ARPC1A: variants seen among roughly 807,000 people sequenced by gnomAD.
The protein encoded by ARPC1A is actin related protein 2/3 complex subunit 1A.
A neutral mutation model predicts 46.9 loss-of-function variants in ARPC1A; 8 were observed. That is an observed-to-expected ratio of 0.17 (90% CI 0.10 to 0.31). ARPC1A has a LOEUF of 0.31. ARPC1A is among the 10% of genes least tolerant of loss of function. The pLI is 1.00. For missense variants in ARPC1A, 286 were observed against 483.6 expected, an observed-to-expected ratio of 0.59 and a Z score of 3.83; for synonymous variants, 152 against 169.0, an observed-to-expected ratio of 0.90 and a Z score of 0.78.
intron 3 of ARPC1A, 50 bp downstream of exon 3, chr7:99,338,335 T>G: frequency 7.3e-7 from 1 of 1,369,704 alleles, no homozygotes; most frequent in South Asian, 1.3e-5. Context: ...AATCAGGCAC[T>G]CTTCCTTTTA....
intron 2 of ARPC1A, among the ~76,000 whole-genome samples, chr7:99,336,020 A>G (rs1030799146): frequency 3.3e-5 from 5 of 152,030 alleles, no homozygotes; most frequent in Non-Finnish European, 7.4e-5. Flanking sequence ...AGGACAGTGA[A>G]TTTAGAGCAT....
chr7:99,330,075 A>C (rs1174431448), intron 1 of ARPC1A, among the ~76,000 whole-genome samples: 2 of 151,992 alleles, frequency 1.3e-5, no homozygotes, highest in African/African-American at 2.4e-5. Flanking sequence ...AAAAAAAAAA[A>C]CAAATTAAAC....
At chr7:99,363,782 C>T in intron 9 of ARPC1A, 149 bp downstream of exon 9, 1 of 610,488 alleles carries the variant, frequency 1.6e-6, no homozygotes, top group Non-Finnish European at 2.8e-6. Context: ...TCCAGCAGCC[C>T]TCCCACCTCA....
chr7:99,365,976 G>T lies in ARPC1A; in HGVS notation c.*47G>T. On this transcript the variant is annotated 3_prime_UTR_variant, in exon 10 of 10. Coordinates refer to ENST00000262942, the MANE Select transcript of ARPC1A (RefSeq NM_006409.4). ...CCAGCATGACAAACTGTGGCCGACC[G>T]CAGCTGTGCCGTGGCACGATGGCGA... 6.5e-7 allele frequency: 1 copy of T among 1,547,192 alleles called. No homozygotes were observed.
At chr7:99,352,533 G>A (rs1445614426) in intron 5 of ARPC1A, among the ~76,000 whole-genome samples, 2 of 151,680 alleles carry the variant, frequency 1.3e-5, no homozygotes, top group African/African-American at 4.8e-5. Flanking sequence ...ATACGAACTT[G>A]TAGTCCCAGC....
chr7:99,355,275 T>G (rs941826479), intron 6 of ARPC1A, among the ~76,000 whole-genome samples: 20 of 150,372 alleles, frequency 1.3e-4, no homozygotes, highest in African/African-American at 4.9e-4. Context: ...AGAGCAAAAC[T>G]ATGTCTCAAA....
chr7:99,338,272 C>T lies in ARPC1A; in HGVS notation c.156C>T (p.Asn52=), dbSNP rs201211057. The T allele has an allele frequency of 1.6e-5, 26 of 1,605,012 alleles. 1 individual carries two copies. The highest frequency in any genetic ancestry group is 1.7e-4 in the Middle Eastern group (1 of 6,052). Residue 52 remains asparagine, a synonymous_variant, in exon 3 of 10, where the codon AAC becomes AAT. Coordinates refer to ENST00000262942, the MANE Select transcript of ARPC1A (RefSeq NM_006409.4). ...WVKAHELKEH[N]GHITGIDWAP... is the part of the protein sequence containing the mutation. ...AAGCTCATGAACTCAAGGAGCACAA[C>T]GGACACATCACAGGTAAAGGAAGAT...
At chr7:99,330,557 C>T (rs576664822) in intron 1 of ARPC1A, among the ~76,000 whole-genome samples, 6 of 152,256 alleles carry the variant, frequency 3.9e-5, no homozygotes, top group African/African-American at 7.2e-5. Flanking sequence ...TCAGGTGATC[C>T]GCCCACCTCG....
At chr7:99,360,898 G>A (rs994033218) in intron 8 of ARPC1A, among the ~76,000 whole-genome samples, 6 of 141,220 alleles carry the variant, frequency 4.2e-5, no homozygotes, top group African/African-American at 1.7e-4. Flanking sequence ...CCAAGATTGA[G>A]CTACTGCACT....
chr7:99,342,403 G>A (rs1380040110), intron 3 of ARPC1A, among the ~76,000 whole-genome samples: 1 of 151,976 alleles, frequency 6.6e-6, no homozygotes, highest in Non-Finnish European at 1.5e-5. Context: ...AAATTAGCCA[G>A]GCATGGTGGC....
At chr7:99,349,094 A>C (rs777256828) in intron 5 of ARPC1A, 135 bp downstream of exon 5, 46 of 848,294 alleles carry the variant, frequency 5.4e-5, no homozygotes, top group Non-Finnish European at 8.3e-5. Flanking sequence ...ACTCTCACCC[A>C]GGCTGGAGTG....
At chr7:99,353,260 G>A (rs1349403647) in intron 5 of ARPC1A, among the ~76,000 whole-genome samples, 7 of 151,538 alleles carry the variant, frequency 4.6e-5, no homozygotes, top group Admixed American at 6.6e-5. Context: ...CTGGGTTCAC[G>A]CCATTCTCTT....
At chr7:99,331,504 T>C (rs138174516) in intron 1 of ARPC1A, among the ~76,000 whole-genome samples, 173 of 152,260 alleles carry the variant, frequency 1.1e-3, no homozygotes, top group African/African-American at 3.4e-3. Flanking sequence ...GACATTCTCC[T>C]ATCTAATGGC....
chr7:99,328,481 C>T (rs1793088037), intron 1 of ARPC1A, among the ~76,000 whole-genome samples: 2 of 152,168 alleles, frequency 1.3e-5, no homozygotes, highest in Admixed American at 1.3e-4. Context: ...TCCTTGTGAT[C>T]TCAGTGGTAT....
At chr7:99,357,028 AT>A (rs1793648410) in intron 6 of ARPC1A, among the ~76,000 whole-genome samples, 2 of 152,174 alleles carry the variant, frequency 1.3e-5, no homozygotes, top group African/African-American at 2.4e-5. Context: ...TATTTTATAC[AT>A]TTTTATATAC....
intron 7 of ARPC1A, 149 bp from the exon 8 acceptor site, chr7:99,359,396 A>T: frequency 1.3e-6 from 1 of 757,454 alleles, no homozygotes; most frequent in Non-Finnish European, 2.1e-6. Context: ...AGATTGTGCC[A>T]CTGCACTCTA....
At chr7:99,353,815 C>A in intron 5 of ARPC1A, 94 bp from the exon 6 acceptor site, 1 of 1,242,228 alleles carries the variant, frequency 8.1e-7, no homozygotes, top group Non-Finnish European at 1.1e-6. Context: ...AACCTCTTTG[C>A]ATTCTGAGAT....
intron 4 of ARPC1A, among the ~76,000 whole-genome samples, chr7:99,346,734 C>A (rs1793458100): frequency 1.3e-5 from 2 of 152,192 alleles, no homozygotes; most frequent in Non-Finnish European, 2.9e-5. Context: ...AATCCCAGCA[C>A]TTTGCGAGGC....
intron 1 of ARPC1A, among the ~76,000 whole-genome samples, chr7:99,329,489 C>G (rs1793108584): frequency 1.3e-5 from 2 of 152,136 alleles, no homozygotes; most frequent in African/African-American, 4.8e-5. Context: ...ATAATTCAAG[C>G]TATTAGGAAT....
Sources: allele counts gnomAD v4.1 joint callset (sites outside exome capture counted in the v4.1 genomes callset), GRCh38; gene constraint gnomAD v4.1.1; transcripts MANE v1.5; gene names NCBI Gene and HGNC (gene_info 2026-07-23, HGNC 2026-07-21).